ARHGEF3: variants seen among roughly 807,000 people sequenced by gnomAD.
ARHGEF3 encodes 59.8 kDA protein.
Under a neutral mutation model 63.2 loss-of-function variants are expected in ARHGEF3, and 28 were observed. The ratio of observed to expected loss-of-function variants is 0.44; its 90% confidence interval spans 0.33 to 0.61. ARHGEF3 has a LOEUF of 0.61. Ranked by LOEUF, ARHGEF3 falls within the 20% of genes least tolerant of loss-of-function variation. ARHGEF3 has a pLI of 0.03. For synonymous variants in ARHGEF3, 266 were observed against 254.2 expected, an observed-to-expected ratio of 1.05 and a Z score of -0.44; for missense variants, 533 against 659.3, an observed-to-expected ratio of 0.81 and a Z score of 2.10.
At chr3:56,921,544 T>C (rs2108366972) in intron 3 of ARHGEF3, among the ~76,000 whole-genome samples, 1 of 152,350 alleles carries the variant, frequency 6.6e-6, no homozygotes, top group South Asian at 2.1e-4. Context: ...TGCACTTTTA[T>C]TGAATGTCTT....
intron 3 of ARHGEF3, among the ~76,000 whole-genome samples, chr3:56,889,485 A>G (rs1355564996): frequency 6.6e-6 from 1 of 152,208 alleles, no homozygotes; most frequent in Non-Finnish European, 1.5e-5. Context: ...CTATGCTCTC[A>G]GTTTAATGGA....
At position 57,002,502 on chromosome 3, in the gene ARHGEF3, A is replaced by ATATATATATGT. The variant is rs1553802552; in HGVS notation, c.62+32585_62+32586insACATATATATA. On this transcript the variant is annotated intron_variant, in intron 2 of 12. Transcript: ENST00000338458. ...TGTTATATATATATATATATGTTAT[A>ATATATATATGT]TATATATATATGTTATATATGTATG... is the stretch of plus-strand genomic sequence containing the variant. Among the ~76,000 whole-genome samples the ATATATATATGT allele has an allele frequency of 5.3e-4, 43 of 81,072 alleles. 3 individuals are homozygous for ATATATATATGT. Among genetic ancestry groups the ATATATATATGT allele is most frequent in the African/African-American group, 1.7e-3 (40 of 23,388 alleles). The allele number at this position is 81,072 out of a possible 152,430, so 53.2% of individuals were successfully genotyped here.
chr3:57,042,698 A>ATTTTTTTTTTTTTTT (rs1235160376), intron 1 of ARHGEF3, among the ~76,000 whole-genome samples: 1 of 41,410 alleles, frequency 2.4e-5, no homozygotes, highest in African/African-American at 6.1e-5. Context: ...ATATATATAT[A>ATTTTTTTTTTTTTTT]TATTTTTTTT....
rs146653588 is a variant in ARHGEF3, at chr3:56,859,068, C to T, written c.192+23224G>A. On this transcript the variant is annotated intron_variant, in intron 4 of 12. Transcript: ENST00000338458. The stretch of plus-strand genomic sequence containing the variant: ...GGGAGATTATGGGAGTGATTTATCC[C>T]GCCAGGGAAGAGTATTTTTATCATG... 6.7e-3 allele frequency among the ~76,000 whole-genome samples: 1,016 copies of T among 152,220 alleles called. 5 individuals are homozygous for T. The highest frequency in any genetic ancestry group is 0.014 in the Middle Eastern group (4 of 294).
chr3:57,069,727 G>A (rs1053839372), intron 1 of ARHGEF3, among the ~76,000 whole-genome samples: 7 of 152,108 alleles, frequency 4.6e-5, no homozygotes, highest in African/African-American at 7.2e-5. Context: ...TCATTGCAGC[G>A]TCAAACAACG....
At chr3:56,922,439 G>C (rs957376451) in intron 3 of ARHGEF3, among the ~76,000 whole-genome samples, 1 of 149,890 alleles carries the variant, frequency 6.7e-6, no homozygotes, top group Non-Finnish European at 1.5e-5. Flanking sequence ...CTTACTATTT[G>C]GCATTGCACT....
chr3:57,022,597 G>T (rs1459891499), intron 2 of ARHGEF3, among the ~76,000 whole-genome samples: 1 of 152,156 alleles, frequency 6.6e-6, no homozygotes, highest in Non-Finnish European at 1.5e-5. Flanking sequence ...TTGGTGGCAT[G>T]CTTGAAACTC....
chr3:57,032,889 G>A (rs1703791403), intron 2 of ARHGEF3, among the ~76,000 whole-genome samples: 1 of 152,238 alleles, frequency 6.6e-6, no homozygotes, highest in East Asian at 1.9e-4. Flanking sequence ...CTCCTGGGAA[G>A]GGCCAGGCTC....
At chr3:56,887,101 A>G (rs1032909496) in intron 3 of ARHGEF3, among the ~76,000 whole-genome samples, 7 of 151,432 alleles carry the variant, frequency 4.6e-5, no homozygotes, top group Admixed American at 2.0e-4. Context: ...TTTAAGAGCT[A>G]TCAGTGTCTG....
chr3:57,047,686 C>A (rs1291625917), intron 1 of ARHGEF3, among the ~76,000 whole-genome samples: 1 of 152,070 alleles, frequency 6.6e-6, no homozygotes, highest in African/African-American at 2.4e-5. Flanking sequence ...AGTTAAAAAG[C>A]CTTTTGGAGA....
chr3:56,928,611 A>G (rs1470808873), intron 3 of ARHGEF3, among the ~76,000 whole-genome samples: 1 of 152,162 alleles, frequency 6.6e-6, no homozygotes, highest in Non-Finnish European at 1.5e-5. Context: ...TCAGGGCTCC[A>G]CTTGAGCCCT....
At chr3:56,911,854 G>C (rs2041859684) in intron 3 of ARHGEF3, among the ~76,000 whole-genome samples, 1 of 151,768 alleles carries the variant, frequency 6.6e-6, no homozygotes, top group African/African-American at 2.4e-5. Flanking sequence ...GATCACTTGA[G>C]CCCAAAAAGT....
At position 56,737,484 on chromosome 3, in the gene ARHGEF3, T is replaced by C. The variant is rs112828887; in HGVS notation, c.871-129A>G. The C allele has an allele frequency of 0.019, 12,256 of 636,868 alleles. 207 individuals are homozygous for C. Among genetic ancestry groups the C allele is most frequent in the African/African-American group, 0.073 (3,022 of 41,656 alleles). The allele number at this position is 636,868 out of a possible 1,614,324, so 39.5% of individuals were successfully genotyped here. ...TAACTCTGTTATCTAAGTTGCTACTTTGGGAAAAGAGAAAAAAAAAAAACA... is the reference window on the plus strand; with the variant it reads ...TAACTCTGTTATCTAAGTTGCTACTCTGGGAAAAGAGAAAAAAAAAAAACA... On this transcript the variant is annotated intron_variant, in intron 7 of 9. Transcript: ENST00000296315.
At chr3:56,849,148 C>A (rs1157949546) in intron 4 of ARHGEF3, among the ~76,000 whole-genome samples, 1 of 152,134 alleles carries the variant, frequency 6.6e-6, no homozygotes, top group Admixed American at 6.5e-5. Context: ...TGAGAGCAGC[C>A]TTTTGTGAGG....
intron 4 of ARHGEF3, among the ~76,000 whole-genome samples, chr3:56,809,802 G>A (rs1209620519): frequency 2.0e-5 from 3 of 151,484 alleles, no homozygotes; most frequent in Non-Finnish European, 2.9e-5. Context: ...GTGCAATCTC[G>A]GTTCAGTGCA....
intron 4 of ARHGEF3, among the ~76,000 whole-genome samples, chr3:56,852,721 T>C (rs1334629029): frequency 6.6e-6 from 1 of 151,716 alleles, no homozygotes; most frequent in African/African-American, 2.4e-5. Flanking sequence ...CCCAATTGTA[T>C]AATATGCCAT....
chr3:57,058,813 T>C (rs1342522948), intron 1 of ARHGEF3, among the ~76,000 whole-genome samples: 2 of 151,824 alleles, frequency 1.3e-5, no homozygotes, highest in African/African-American at 2.4e-5. Context: ...TATGCAGCCA[T>C]AAAAAATGAT....
In ARHGEF3 at chr3:56,899,326, C is replaced by G. The variant is rs368213592; in HGVS notation, c.130-16972G>C. 9.6e-4 allele frequency among the ~76,000 whole-genome samples: 146 copies of G among 152,304 alleles called. 5 individuals are homozygous for G. In the South Asian group the frequency reaches 0.025, roughly 26 times the overall value. ...ATGTTCTTTACCCAGCAACAGATCA[C>G]ATAACAAGAAAGTTATTACTTTGTC... On this transcript the variant is annotated intron_variant, in intron 3 of 12. Coordinates refer to the ARHGEF3 transcript ENST00000338458.
At chr3:56,880,041 A>G (rs1413137804) in intron 4 of ARHGEF3, among the ~76,000 whole-genome samples, 1 of 152,228 alleles carries the variant, frequency 6.6e-6, no homozygotes, top group Non-Finnish European at 1.5e-5. Flanking sequence ...GGTCAGCGGA[A>G]TCTGCAGAAC....
Sources: allele counts gnomAD v4.1 joint callset (sites outside exome capture counted in the v4.1 genomes callset), GRCh38; gene constraint gnomAD v4.1.1; transcripts MANE v1.5; gene names NCBI Gene and HGNC (gene_info 2026-07-23, HGNC 2026-07-21).